Variants in POU2AF1 observed in about 807,000 individuals in gnomAD.
POU2AF1 encodes POU class 2 homeobox associating factor 1, also known as POU domain class 2-associating factor 1.
Under a neutral mutation model 26.3 loss-of-function variants are expected in POU2AF1, and 12 were observed. The observed-to-expected ratio is 0.46, with a 90% confidence interval of 0.29 to 0.74. The LOEUF is 0.74. Ranked by LOEUF, POU2AF1 falls within the 30% of genes least tolerant of loss-of-function variation. The pLI is 0.09. For missense variants in POU2AF1, 297 were observed against 334.5 expected, an observed-to-expected ratio of 0.89 and a Z score of 0.87; for synonymous variants, 175 against 148.0, an observed-to-expected ratio of 1.18 and a Z score of -1.32.
chr11:111,373,240 T>C (rs1266356981), intron 1 of POU2AF1, among the ~76,000 whole-genome samples: 1 of 152,236 alleles, frequency 6.6e-6, no homozygotes, highest in Non-Finnish European at 1.5e-5. Flanking sequence ...AGATGTTTGT[T>C]TATCACTGTT....
intron 2 of POU2AF1, among the ~76,000 whole-genome samples, chr11:111,358,403 T>TC (rs1565360747): frequency 4.5e-4 from 10 of 22,098 alleles, no homozygotes; most frequent in African/African-American, 9.4e-4. Flanking sequence ...CTCACACACA[T>TC]ACTCTCTCAC....
intron 1 of POU2AF1, among the ~76,000 whole-genome samples, chr11:111,366,045 T>C (rs1861099268): frequency 6.6e-6 from 1 of 152,238 alleles, no homozygotes; most frequent in Admixed American, 6.5e-5. Flanking sequence ...ATTTGTTCTT[T>C]CCATTCATGG....
At chr11:111,358,553 C>G (rs530225633) in intron 2 of POU2AF1, among the ~76,000 whole-genome samples, 1 of 150,858 alleles carries the variant, frequency 6.6e-6, no homozygotes, top group African/African-American at 2.5e-5. Context: ...CACATACACA[C>G]TCACATGCAT....
chr11:111,354,606 A>T, intron 4 of POU2AF1, 31 bp from the exon 5 acceptor site: 10 of 1,482,352 alleles, frequency 6.7e-6, no homozygotes, highest in Non-Finnish European at 8.9e-6. Context: ...ACAGAGGGTT[A>T]GCAGCCCCAG....
intron 4 of POU2AF1, among the ~76,000 whole-genome samples, 178 bp downstream of exon 4, chr11:111,357,267 G>A (rs1860865039): frequency 6.6e-6 from 1 of 152,146 alleles, no homozygotes; most frequent in African/African-American, 2.4e-5. Context: ...ACATCTTTGT[G>A]GAAGTTATCT....
At chr11:111,358,402 ATACTCTCT>A (rs1177071879) in intron 2 of POU2AF1, among the ~76,000 whole-genome samples, 6 of 39,988 alleles carry the variant, frequency 1.5e-4, no homozygotes, top group African/African-American at 4.7e-4. Flanking sequence ...CCTCACACAC[ATACTCTCT>A]CACACACACG....
chr11:111,375,542 G>A (rs537435822), intron 1 of POU2AF1, among the ~76,000 whole-genome samples: 2 of 151,938 alleles, frequency 1.3e-5, no homozygotes, highest in African/African-American at 2.4e-5. Context: ...GACTACAGGG[G>A]CCTGCCACCA....
In POU2AF1 at chr11:111,354,310, T is replaced by C; in HGVS notation, c.722A>G (p.Asp241Gly). The stretch of plus-strand genomic sequence containing the variant: ...GTGGTTAAGCGCATAGGCGTCGCTA[T>C]CCTCTTCCTCCAAAAGCAGCTTGTC... ...TIDKLLLEEE[D>G]SDAYALNHTL... is the part of the protein sequence containing the mutation. The change falls in exon 5 of 5, where the codon GAT (aspartate) becomes GGT (glycine). Residue 241 changes from aspartate to glycine, a missense_variant. Transcript: ENST00000393067. The C allele has an allele frequency of 6.2e-7, 1 of 1,614,220 alleles. No individual in the cohort carries two copies. Among genetic ancestry groups the C allele is most frequent in the Non-Finnish European group, 8.5e-7 (1 of 1,180,018 alleles).
At chr11:111,359,056 G>T in intron 1 of POU2AF1, 138 bp from the exon 2 acceptor site, 1 of 1,390,160 alleles carries the variant, frequency 7.2e-7, no homozygotes, top group Non-Finnish European at 9.5e-7. Flanking sequence ...TTCCTAGAAT[G>T]CCTCTCCAGT....
chr11:111,352,690 C>T lies in POU2AF1; in HGVS notation c.*1571G>A, dbSNP rs768152431. On this transcript the variant is annotated 3_prime_UTR_variant, in exon 5 of 5. Transcript: ENST00000393067. ...GTGGCTCACGCCTGTGATCCCAGCA[C>T]TCTGAGAGGCTGAGGCGGGCGGATC... The T allele has an allele frequency of 2.3e-5, 4 of 171,394 alleles. No homozygotes were observed. The highest frequency in any genetic ancestry group is 5.1e-5 in the Non-Finnish European group (4 of 79,172). The allele number at this position is 171,394 out of a possible 1,614,324, so 10.6% of individuals were successfully genotyped here. A position where few individuals can be genotyped will look rare whatever the true frequency, so the allele number is the denominator to read the frequency against.
At chr11:111,358,354 A>G (rs1860901773) in intron 2 of POU2AF1, among the ~76,000 whole-genome samples, 1 of 25,498 alleles carries the variant, frequency 3.9e-5, no homozygotes, top group Non-Finnish European at 1.8e-4. Context: ...TCTCACACTC[A>G]CACTCTCACA....
intron 1 of POU2AF1, among the ~76,000 whole-genome samples, chr11:111,376,979 C>T (rs1398216942): frequency 6.6e-6 from 1 of 152,066 alleles, no homozygotes; most frequent in African/African-American, 2.4e-5. Context: ...ACATTCACCC[C>T]AGTTATTCCA....
At position 111,352,929 on chromosome 11, in the gene POU2AF1, TC is replaced by T. The variant is rs1007450551; in HGVS notation, c.*1331del. The T allele has an allele frequency of 2.4e-5, 4 of 166,142 alleles. No homozygotes were observed. Among genetic ancestry groups the T allele is most frequent in the African/African-American group, 1.1e-4 (4 of 37,718 alleles). The allele number at this position is 166,142 out of a possible 1,614,324, so 10.3% of individuals were successfully genotyped here. A position where few individuals can be genotyped will look rare whatever the true frequency, so the allele number is the denominator to read the frequency against. The stretch of plus-strand genomic sequence containing the variant: ...GCCTGGGCAATGGAGTGAGACTCCG[TC>T]CCAAAAAAAACCAAAAAAAAGAAAG... On this transcript the variant is annotated 3_prime_UTR_variant, in exon 5 of 5. Transcript: ENST00000393067.
In POU2AF1 at chr11:111,357,484, C is replaced by A; in HGVS notation, c.417G>T (p.Val139=). The A allele has an allele frequency of 6.2e-7, 1 of 1,614,158 alleles. No individual in the cohort carries two copies. The highest frequency in any genetic ancestry group is 2.2e-5 in the East Asian group (1 of 44,872). ...PSYTVVGPSS[V]LTYASPPLIT... ...TGAGTGGCGGAGAGGCATAGGTCAA[C>A]ACTGAGGAGGGCCCCACCACCGTGT... Residue 139 remains valine, a synonymous_variant, in exon 4 of 5, where the codon GTG becomes GTT. Transcript: ENST00000393067.
intron 1 of POU2AF1, among the ~76,000 whole-genome samples, chr11:111,374,672 G>A (rs1426719130): frequency 7.9e-5 from 12 of 152,202 alleles, no homozygotes; most frequent in Non-Finnish European, 1.3e-4. Flanking sequence ...TGCAGCCTGG[G>A]TGACAGAGCA....
intron 4 of POU2AF1, among the ~76,000 whole-genome samples, chr11:111,354,908 G>A (rs998110838): frequency 1.1e-4 from 17 of 152,136 alleles, no homozygotes; most frequent in Admixed American, 4.6e-4. Flanking sequence ...TCCAGGTTTC[G>A]TTGAATACAA....
intron 2 of POU2AF1, among the ~76,000 whole-genome samples, chr11:111,358,468 A>AC (rs1860920857): frequency 9.5e-5 from 14 of 147,638 alleles, no homozygotes; most frequent in African/African-American, 3.1e-4. Flanking sequence ...TCTCACACAC[A>AC]TACATTCTCA....
intron 1 of POU2AF1, among the ~76,000 whole-genome samples, chr11:111,375,390 C>CTTTTTTTTTTTTTTTT (rs869115956): frequency 3.8e-5 from 3 of 79,488 alleles, no homozygotes; most frequent in Non-Finnish European, 6.5e-5. Context: ...TACTGAGTAT[C>CTTTTTTTTTTTTTTTT]TTTTTTTTTT....
At chr11:111,364,419 C>A (rs1031618258) in intron 1 of POU2AF1, 1 of 152,248 alleles carries the variant, frequency 6.6e-6, no homozygotes, top group African/African-American at 2.4e-5. Context: ...TTAATGGCAC[C>A]TTGCAAACCA....
Sources: allele counts gnomAD v4.1 joint callset (sites outside exome capture counted in the v4.1 genomes callset), GRCh38; gene constraint gnomAD v4.1.1; transcripts MANE v1.5; gene names NCBI Gene and HGNC (gene_info 2026-07-23, HGNC 2026-07-21).